Variants in ARAP1 observed in about 807,000 individuals in gnomAD.
ARAP1 encodes the protein ArfGAP with RhoGAP domain, ankyrin repeat and PH domain 1, also known as arf-GAP with Rho-GAP domain, ANK repeat and PH domain-containing protein 1.
ARAP1 carries 76 observed loss-of-function variants against 172.2 expected under a neutral mutation model. The observed-to-expected ratio is 0.44, with a 90% CI of 0.37 to 0.53. The LOEUF is 0.53. ARAP1 is among the 20% of genes least tolerant of loss of function. The probability of loss-of-function intolerance (pLI) is 0.00; values close to 1 mark genes in which losing one functional copy is unlikely to be tolerated. For synonymous variants in ARAP1, 804 were observed against 803.3 expected (o/e 1.00, Z -0.01); for missense variants, 1,686 against 1,977.5 (o/e 0.85, Z 2.80).
At chr11:72,723,759 T>C (rs998292173) in intron 3 of ARAP1, among the ~76,000 whole-genome samples, 3 of 152,192 alleles carry the variant, frequency 2.0e-5, no homozygotes, top group Non-Finnish European at 2.9e-5. Flanking sequence ...CCACACGATA[T>C]ACTTCCCAAG....
chr11:72,698,022 G>A lies in ARAP1; in HGVS notation c.2626C>T (p.Leu876=), dbSNP rs767114797. 1.9e-6 allele frequency: 3 copies of A among 1,610,542 alleles called. No homozygotes were observed. The highest frequency in any genetic ancestry group is 2.2e-5 in the East Asian group (1 of 44,802). The change falls in exon 19 of 35, where the codon CTA becomes TTA. Residue 876 remains leucine, a synonymous_variant. Transcript: ENST00000393609. ...AACCAGCCCTCCTGGGCCCGCTGTA[G>A]GCTCAGGCCAGCTTTGTAGGGTAGG... is the stretch of plus-strand genomic sequence containing the variant. ...GRLPYKAGLS[L]QRAQEGWFSL...
chr11:72,744,447 T>A (rs937936795), intron 1 of ARAP1, among the ~76,000 whole-genome samples: 1 of 152,200 alleles, frequency 6.6e-6, no homozygotes, highest in African/African-American at 2.4e-5. Flanking sequence ...AGTTCTACTA[T>A]AGTTCTACTA....
At chr11:72,717,382 A>T (rs1395620160) in intron 3 of ARAP1, among the ~76,000 whole-genome samples, 1 of 152,176 alleles carries the variant, frequency 6.6e-6, no homozygotes, top group Non-Finnish European at 1.5e-5. Context: ...GCCAAGCAGG[A>T]TTGAGGGAGC....
chr11:72,745,980 A>G (rs1210713754), intron 1 of ARAP1, among the ~76,000 whole-genome samples: 12 of 152,140 alleles, frequency 7.9e-5, no homozygotes, highest in African/African-American at 2.4e-4. Context: ...CCTAAGGCAG[A>G]GCAATACGTC....
At chr11:72,721,956 C>T (rs572909337) in intron 3 of ARAP1, 23 of 986,450 alleles carry the variant, frequency 2.3e-5, no homozygotes, top group Middle Eastern at 5.2e-4. Context: ...GCCTGGGTCC[C>T]GCCTGGGCTG....
intron 1 of ARAP1, among the ~76,000 whole-genome samples, chr11:72,746,052 C>T (rs563966500): frequency 6.6e-6 from 1 of 152,320 alleles, no homozygotes; most frequent in East Asian, 1.9e-4. Context: ...TGGCTCTGAC[C>T]CTTCAAGGCT....
At position 72,707,083 on chromosome 11, in the gene ARAP1, G is replaced by A. The variant is rs1043054827; in HGVS notation, c.1723+92C>T. The A allele has an allele frequency of 1.6e-5, 21 of 1,335,848 alleles. No homozygotes were observed. In the East Asian group the frequency reaches 1.8e-4, roughly 12 times the overall value. 82.7% of individuals were successfully genotyped at this position (1,335,848 alleles called of 1,614,324 possible). ...CAGCAGCTCTCTGAGTGCTGTCTCC[G>A]CTCCAGGCCCTCCTCCAGATAGGAT... On this transcript the variant is annotated intron_variant, in intron 12 of 34. Transcript: ENST00000393609.
In ARAP1 at chr11:72,698,094, G is replaced by A. The variant is rs1163882936; in HGVS notation, c.2554C>T (p.Pro852Ser). The change falls in exon 19 of 35, where the codon CCC (proline) becomes TCC (serine). Residue 852 changes from proline to serine, a missense_variant. Physicochemically the swap from Pro to Ser is moderately conservative, Grantham distance 74. This residue lies in a region of ARAP1 where 688 missense variants were observed against 856.9 expected (regional missense o/e 0.80). Coordinates refer to ENST00000393609, the MANE Select transcript of ARAP1 (RefSeq NM_001040118.3). ...CGGGCCAGCAGATCCTCGGCTAGGGGAGGCACGAATGCCTGGCAGAGAGGC... is the reference window on the plus strand; with the variant it reads ...CGGGCCAGCAGATCCTCGGCTAGGGAAGGCACGAATGCCTGGCAGAGAGGC... ...VKCIAKAFVP[P>S]LAEDLLARDF... is the part of the protein sequence containing the mutation. 1.3e-6 allele frequency: 2 copies of A among 1,598,368 alleles called. No individual in the cohort carries two copies. Among genetic ancestry groups the A allele is most frequent in the African/African-American group, 1.3e-5 (1 of 74,852 alleles).
chr11:72,716,164 C>T (rs912618619), intron 3 of ARAP1, among the ~76,000 whole-genome samples: 2 of 131,922 alleles, frequency 1.5e-5, no homozygotes, highest in Non-Finnish European at 3.2e-5. Context: ...CAGAGCAAGA[C>T]TCCGTCTCAA....
intron 31 of ARAP1, among the ~76,000 whole-genome samples, chr11:72,688,064 A>C (rs1460865794): frequency 6.6e-6 from 1 of 151,956 alleles, no homozygotes; most frequent in African/African-American, 2.4e-5. Context: ...CAGTGTCGTG[A>C]CTACGGATCA....
At chr11:72,692,215 C>A (rs1424663989) in intron 30 of ARAP1, among the ~76,000 whole-genome samples, 2 of 152,238 alleles carry the variant, frequency 1.3e-5, no homozygotes, top group African/African-American at 2.4e-5. Context: ...AGGAACAGGG[C>A]AGCCCCAAGG....
intron 4 of ARAP1, 112 bp downstream of exon 4, chr11:72,714,040 G>T: frequency 8.4e-7 from 1 of 1,196,794 alleles, no homozygotes; most frequent in South Asian, 1.9e-5. Context: ...ACAGTGGGCT[G>T]GTGGCAGGCT....
At chr11:72,722,946 TG>T (rs1857573877) in intron 3 of ARAP1, among the ~76,000 whole-genome samples, 1 of 152,092 alleles carries the variant, frequency 6.6e-6, no homozygotes, top group African/African-American at 2.4e-5. Context: ...TCTGCAGGGC[TG>T]GGTGACTCTG....
chr11:72,697,521 CA>C (rs781020327), intron 20 of ARAP1, 35 bp from the exon 21 acceptor site: 1 of 1,612,832 alleles, frequency 6.2e-7, no homozygotes, highest in South Asian at 1.1e-5. Flanking sequence ...GAGGGGCCTA[CA>C]CCTATCCCAC....
intron 5 of ARAP1, chr11:72,712,860 A>T (rs1393043738): frequency 1.7e-6 from 1 of 600,076 alleles, no homozygotes; most frequent in Non-Finnish European, 3.0e-6. Context: ...AGACACGGGA[A>T]CACAAGAAGT....
chr11:72,711,219 C>T, intron 8 of ARAP1, 78 bp from the exon 9 acceptor site: 2 of 1,581,984 alleles, frequency 1.3e-6, no homozygotes, highest in Non-Finnish European at 1.7e-6. Flanking sequence ...ATGAAGTCTG[C>T]AGCCCTGTCT....
rs1225556708 is a variant in ARAP1 at position 72,737,163 on chromosome 11, CCCCATGTATCCT to C, written c.-127-4578_-127-4567del. Among the ~76,000 whole-genome samples the C allele has an allele frequency of 2.0e-5, 3 of 152,176 alleles. No individual in the cohort carries two copies. The South Asian group carries it at 6.2e-4, about 32-fold the overall frequency. On this transcript the variant is annotated intron_variant, in intron 1 of 34. Coordinates refer to ENST00000393609, the MANE Select transcript of ARAP1 (RefSeq NM_001040118.3). ...TGTGGGGGTCCACCTCCACCCAATC[CCCCATGTATCCT>C]GGAGTATCCTGAGAGTCCATACCCC...
chr11:72,699,752 C>T lies in ARAP1; in HGVS notation c.2303-200G>A, dbSNP rs1856390498. 6.6e-6 allele frequency among the ~76,000 whole-genome samples: 1 copy of T among 152,220 alleles called. No homozygotes were observed. Among genetic ancestry groups the T allele is most frequent in the Non-Finnish European group, 1.5e-5 (1 of 68,040 alleles). ...CATCCGCTCCCCCAGGCCTCTGCAGCAGCCCCTTCCAAAATCCCAGAGTGA... is the reference window on the plus strand; with the variant it reads ...CATCCGCTCCCCCAGGCCTCTGCAGTAGCCCCTTCCAAAATCCCAGAGTGA... On this transcript the variant is annotated intron_variant, in intron 16 of 34. Coordinates refer to ENST00000393609, the MANE Select transcript of ARAP1 (RefSeq NM_001040118.3). The surrounding 1 kb of genome is among the most constrained non-coding windows in gnomAD (Gnocchi z 4.2).
intron 1 of ARAP1, among the ~76,000 whole-genome samples, chr11:72,743,002 C>T (rs901554490): frequency 6.6e-6 from 1 of 152,192 alleles, no homozygotes; most frequent in East Asian, 1.9e-4. Flanking sequence ...CATACCCATT[C>T]GGGCACCTCC....
Sources: allele counts gnomAD v4.1 joint callset (sites outside exome capture counted in the v4.1 genomes callset), GRCh38; gene constraint gnomAD v4.1.1; regional missense constraint gnomAD v4.1.1; non-coding constraint Gnocchi (gnomAD v3.1); transcripts MANE v1.5; gene names NCBI Gene and HGNC (gene_info 2026-07-23, HGNC 2026-07-21).